Variants in FUT8 observed in about 807,000 individuals in gnomAD.
The protein encoded by FUT8 is alpha-(1,6)-fucosyltransferase.
Under a neutral mutation model 71.3 loss-of-function variants are expected in FUT8, and 29 were observed. That is an observed-to-expected ratio of 0.41 (90% CI 0.30 to 0.55). The LOEUF is 0.55. Ranked by LOEUF, FUT8 falls within the 20% of genes least tolerant of loss-of-function variation. The pLI is 0.34. For synonymous variants in FUT8, 254 were observed against 239.3 expected, an observed-to-expected ratio of 1.06 and a Z score of -0.57; for missense variants, 544 against 702.1, an observed-to-expected ratio of 0.77 and a Z score of 2.55.
At chr14:65,417,932 A>C (rs1486032859) in intron 1 of FUT8, among the ~76,000 whole-genome samples, 1 of 152,212 alleles carries the variant, frequency 6.6e-6, no homozygotes, top group African/African-American at 2.4e-5. Context: ...AAACTGAATA[A>C]ATATGAAAAC....
the FUT8 span, among the ~76,000 whole-genome samples, chr14:65,405,346 A>G: frequency 6.6e-6 from 1 of 152,212 alleles, no homozygotes; most frequent in Non-Finnish European, 1.5e-5. Context: ...ATTTGTGATT[A>G]TGGAAAAATG....
chr14:65,659,396 G>C (rs1268282407), intron 6 of FUT8, among the ~76,000 whole-genome samples: 2 of 152,090 alleles, frequency 1.3e-5, no homozygotes, highest in African/African-American at 4.8e-5. Context: ...GACAAGTGCT[G>C]TAAGTACCAG....
Position 65,522,026 on chromosome 14 carries a change from T to A in FUT8, c.-227-39311T>A, listed in dbSNP as rs1443032135. 2.0e-5 allele frequency among the ~76,000 whole-genome samples: 3 copies of A among 152,192 alleles called. No individual in the cohort carries two copies. In the East Asian group the frequency reaches 5.8e-4, roughly 29 times the overall value. ...ACCATTAATTAGTAGCAATCTTGAG[T>A]TGGCAAAGATTTTTGGTCTCTTAGT... On this transcript the variant is annotated intron_variant, in intron 2 of 10. Coordinates refer to ENST00000673929, the MANE Select transcript of FUT8 (RefSeq NM_001371533.1).
chr14:65,734,969 A>G (rs1366662606), intron 10 of FUT8, among the ~76,000 whole-genome samples: 1 of 152,282 alleles, frequency 6.6e-6, no homozygotes, highest in East Asian at 1.9e-4. Flanking sequence ...ACAACCAAAG[A>G]TGTCTCCAGA....
the FUT8 span, among the ~76,000 whole-genome samples, chr14:65,366,447 G>A: frequency 2.0e-5 from 3 of 152,130 alleles, no homozygotes; most frequent in Non-Finnish European, 2.9e-5. Flanking sequence ...GGGTTTGTTT[G>A]CTTGTTTTTT....
intron 6 of FUT8, among the ~76,000 whole-genome samples, chr14:65,651,699 A>C (rs1451945669): frequency 1.3e-5 from 2 of 152,246 alleles, no homozygotes; most frequent in African/African-American, 4.8e-5. Flanking sequence ...AATAGATGAT[A>C]TAAGGGAGAA....
chr14:65,441,922 A>G (rs971393203), intron 1 of FUT8, among the ~76,000 whole-genome samples: 1 of 151,764 alleles, frequency 6.6e-6, no homozygotes, highest in Non-Finnish European at 1.5e-5. Flanking sequence ...TACATTAGGT[A>G]TATCTCCTAA....
chr14:65,425,419 C>T (rs542262379), intron 1 of FUT8, among the ~76,000 whole-genome samples: 9 of 148,264 alleles, frequency 6.1e-5, no homozygotes, highest in South Asian at 2.2e-4. Flanking sequence ...CCACCCGCCT[C>T]GCCCTCCCAA....
intron 8 of FUT8, among the ~76,000 whole-genome samples, chr14:65,722,853 A>G (rs1895487151): frequency 6.6e-6 from 1 of 152,242 alleles, no homozygotes; most frequent in African/African-American, 2.4e-5. Flanking sequence ...CAGATTCATA[A>G]TAAAAAACTG....
At chr14:65,526,682 T>C (rs1446587561) in intron 2 of FUT8, among the ~76,000 whole-genome samples, 1 of 152,190 alleles carries the variant, frequency 6.6e-6, no homozygotes, top group East Asian at 1.9e-4. Flanking sequence ...ATTTGGCATG[T>C]TTTTGCAGTG....
chr14:65,522,283 C>A (rs1284784624), intron 2 of FUT8, among the ~76,000 whole-genome samples: 1 of 152,116 alleles, frequency 6.6e-6, no homozygotes, highest in African/African-American at 2.4e-5. Flanking sequence ...TATTGTTATT[C>A]TCATTCCAGT....
intron 3 of FUT8, among the ~76,000 whole-genome samples, chr14:65,611,023 TAGAA>T (rs1888859118): frequency 6.6e-6 from 1 of 151,714 alleles, no homozygotes; most frequent in South Asian, 2.1e-4. Flanking sequence ...ACTAACTTTA[TAGAA>T]AGAAGTAGTC....
At chr14:65,450,724 G>C (rs956741384) in intron 1 of FUT8, among the ~76,000 whole-genome samples, 1 of 152,112 alleles carries the variant, frequency 6.6e-6, no homozygotes, top group Non-Finnish European at 1.5e-5. Flanking sequence ...TTTGGATGCT[G>C]TTGATATTCA....
At chr14:65,383,265 CTTTT>C in the FUT8 span, among the ~76,000 whole-genome samples, 476 of 86,486 alleles carry the variant, frequency 5.5e-3, 1 homozygote, top group African/African-American at 0.018. Context: ...TTTTTCTTTT[CTTTT>C]TTTTTTTTTT....
At chr14:65,703,656 C>A (rs968150755) in intron 7 of FUT8, among the ~76,000 whole-genome samples, 4 of 152,180 alleles carry the variant, frequency 2.6e-5, no homozygotes, top group African/African-American at 9.7e-5. Context: ...GAAGCAGAGG[C>A]AGCTGGGGAA....
At chr14:65,420,328 G>C (rs2065274595) in intron 1 of FUT8, among the ~76,000 whole-genome samples, 1 of 151,464 alleles carries the variant, frequency 6.6e-6, no homozygotes, top group East Asian at 1.9e-4. Flanking sequence ...TGTTGCCCAG[G>C]CTGGTGTTGA....
At chr14:65,376,101 A>T in the FUT8 span, among the ~76,000 whole-genome samples, 192 of 151,912 alleles carry the variant, frequency 1.3e-3, 1 homozygote, top group South Asian at 8.7e-3. Flanking sequence ...AAAAAAAAAA[A>T]AATAATAAAA....
intron 3 of FUT8, among the ~76,000 whole-genome samples, chr14:65,563,066 A>C (rs1019496034): frequency 6.6e-6 from 1 of 152,046 alleles, no homozygotes; most frequent in Admixed American, 6.6e-5. Flanking sequence ...AAATGAATGA[A>C]ACATTATTCT....
chr14:65,404,049 A>G, the FUT8 span, among the ~76,000 whole-genome samples: 2 of 150,712 alleles, frequency 1.3e-5, no homozygotes, highest in African/African-American at 2.4e-5. Flanking sequence ...AGGCGCTAGT[A>G]GAGACAGGGT....
Sources: gnomAD v4.1 joint callset for allele counts (sites outside exome capture counted in the v4.1 genomes callset) on GRCh38, gnomAD v4.1.1 for gene constraint, MANE v1.5 for transcripts, NCBI Gene and HGNC (gene_info 2026-07-23, HGNC 2026-07-21) for gene names.